TBL1X: variants seen among roughly 807,000 people sequenced by gnomAD.
TBL1X encodes the protein transducin beta like 1 X-linked, also known as F-box-like/WD repeat-containing protein TBL1X.
A neutral mutation model predicts 50.7 loss-of-function variants in TBL1X; 10 were observed. That is an observed-to-expected ratio of 0.20 (90% confidence interval 0.12 to 0.33). The LOEUF (loss-of-function observed/expected upper bound fraction) is 0.33, where lower values mean the gene tolerates loss of function less well. Ranked by LOEUF, TBL1X falls within the 10% of genes least tolerant of loss-of-function variation. TBL1X has a pLI of 1.00. For missense variants in TBL1X, 340 were observed against 504.4 expected (o/e 0.67, Z 3.12); for synonymous variants, 190 against 214.7 (o/e 0.88, Z 1.01).
chrX:9,534,584 G>A (rs1040588619), intron 2 of TBL1X, among the ~76,000 whole-genome samples: 1 of 110,882 alleles, frequency 9.0e-6, no homozygotes, highest in African/African-American at 3.3e-5. Context: ...AAAAAATACA[G>A]TGTTGAGTAT....
intron 2 of TBL1X, among the ~76,000 whole-genome samples, chrX:9,616,438 A>G (rs1157266422): frequency 8.9e-6 from 1 of 111,875 alleles, no homozygotes. Context: ...ACTTTTGCCA[A>G]TTAAAAGACA....
At chrX:9,492,074 CT>C (rs1239173303) in intron 1 of TBL1X, among the ~76,000 whole-genome samples, 1 of 111,846 alleles carries the variant, frequency 8.9e-6, no homozygotes, top group African/African-American at 3.3e-5. Flanking sequence ...ATAGAAATAA[CT>C]TTGTTATGAA....
At chrX:9,590,733 T>G (rs2082495522) in intron 2 of TBL1X, among the ~76,000 whole-genome samples, 1 of 111,600 alleles carries the variant, frequency 9.0e-6, no homozygotes, top group Admixed American at 9.5e-5. Flanking sequence ...TTTTTGGTTG[T>G]TTATTGCTTT....
chrX:9,588,248 A>G (rs1409409341), intron 2 of TBL1X, among the ~76,000 whole-genome samples: 1 of 111,383 alleles, frequency 9.0e-6, no homozygotes, highest in African/African-American at 3.3e-5. Context: ...CCTTTTATCT[A>G]AGGGACTGGA....
At chrX:9,709,445 C>T in intron 14 of TBL1X, 123 bp downstream of exon 14, 1 of 970,533 alleles carries the variant, frequency 1.0e-6, no homozygotes, top group Non-Finnish European at 1.4e-6. Context: ...CTTCCTCTGT[C>T]ATCCGGTGAG....
In TBL1X at chrX:9,714,909, A is replaced by G. The variant is rs765036613; in HGVS notation, c.1613A>G (p.Asn538Ser). The part of the protein sequence containing the change: ...CVHIWNTQSG[N>S]LVHSYRGTGG... ...AGCTGCTTTGCTTTGCAGAGTGGAA[A>G]TCTTGTCCACAGCTACCGAGGCACT... The change falls in exon 17 of 18, where the codon AAT (asparagine) becomes AGT (serine). Residue 538 changes from asparagine (N) to serine (S), a missense_variant. Asn to Ser is a conservative substitution (Grantham distance 46). This residue lies in a region of TBL1X where 170 missense variants were observed against 272.6 expected (regional missense o/e 0.62). Coordinates refer to ENST00000645353, the MANE Select transcript of TBL1X (RefSeq NM_005647.4). The G allele has an allele frequency of 3.4e-5, 41 of 1,209,878 alleles. No individual in the cohort carries two copies. Among genetic ancestry groups the G allele is most frequent in the Non-Finnish European group, 4.5e-6 (4 of 894,893 alleles).
At chrX:9,547,114 G>A (rs2082248360) in intron 2 of TBL1X, among the ~76,000 whole-genome samples, 1 of 110,192 alleles carries the variant, frequency 9.1e-6, no homozygotes, top group Non-Finnish European at 1.9e-5. Context: ...CACCGCGCCC[G>A]GCCTTATTCT....
chrX:9,533,947 T>C (rs1437234995), intron 2 of TBL1X, among the ~76,000 whole-genome samples: 1 of 111,180 alleles, frequency 9.0e-6, no homozygotes, highest in African/African-American at 3.3e-5. Context: ...GTAGGGGTGG[T>C]GACAGTGAAG....
At chrX:9,568,791 C>T (rs1471730232) in intron 2 of TBL1X, among the ~76,000 whole-genome samples, 1 of 102,124 alleles carries the variant, frequency 9.8e-6, no homozygotes, top group African/African-American at 3.7e-5. Context: ...GTGTGTATGT[C>T]TGTCTGGTGT....
At chrX:9,626,520 G>A (rs189913823) in intron 2 of TBL1X, among the ~76,000 whole-genome samples, 4 of 112,071 alleles carry the variant, frequency 3.6e-5, no homozygotes, top group Non-Finnish European at 5.6e-5. Context: ...GTACCTGCCC[G>A]CCCCACAGGG....
chrX:9,709,575 C>T (rs2083231936), intron 14 of TBL1X, 58 bp from the exon 15 acceptor site: 1 of 1,190,117 alleles, frequency 8.4e-7, no homozygotes, highest in Non-Finnish European at 1.1e-6. Flanking sequence ...AATGATTCCA[C>T]ATCGTTCCCG....
intron 2 of TBL1X, among the ~76,000 whole-genome samples, chrX:9,567,899 C>T (rs989845006): frequency 1.8e-5 from 2 of 112,213 alleles, no homozygotes; most frequent in African/African-American, 6.5e-5. Context: ...GGGACAAGGA[C>T]GCGCAGAGAT....
chrX:9,591,211 C>T (rs998623799), intron 2 of TBL1X, among the ~76,000 whole-genome samples: 2 of 111,306 alleles, frequency 1.8e-5, no homozygotes, highest in Non-Finnish European at 3.8e-5. Context: ...TTTCACCCTC[C>T]ACCAGAGGAT....
At chrX:9,476,341 C>G (rs2081849443) in intron 1 of TBL1X, among the ~76,000 whole-genome samples, 1 of 112,307 alleles carries the variant, frequency 8.9e-6, no homozygotes, top group African/African-American at 3.2e-5. Context: ...TGCTTTAAGC[C>G]TTAGACTGGT....
Position 9,533,479 on chromosome X carries a change from A to G in TBL1X, c.-131+31630A>G, listed in dbSNP as rs142444066. The stretch of plus-strand genomic sequence containing the variant: ...GATGGTAGGGAGATAACTTAGGAAA[A>G]TATTTTACCTTTGGGGAAGTTTTGG... On this transcript the variant is annotated intron_variant, in intron 2 of 17. Transcript: ENST00000645353. Among the ~76,000 whole-genome samples the G allele has an allele frequency of 7.1e-5, 8 of 111,968 alleles. No individual in the cohort carries two copies. The East Asian group carries it at 2.3e-3, about 32-fold the overall frequency.
At position 9,514,250 on chromosome X, in the gene TBL1X, G is replaced by A. The variant is rs1032114847; in HGVS notation, c.-131+12401G>A. Among the ~76,000 whole-genome samples, 3 of 111,172 alleles carry A rather than the reference G, an allele frequency of 2.7e-5. No individual in the cohort carries two copies. In the Admixed American group the frequency reaches 2.8e-4, roughly 11 times the overall value. ...TTGCTTATTGTGTGTAGGAAGACCG[G>A]AGGCCAGTTACCTGGCAATAACAAC... On this transcript the variant is annotated intron_variant, in intron 2 of 17. Transcript: ENST00000645353.
chrX:9,530,528 T>G (rs1047597217), intron 2 of TBL1X, among the ~76,000 whole-genome samples: 1 of 112,275 alleles, frequency 8.9e-6, no homozygotes, highest in African/African-American at 3.2e-5. Context: ...CATCACACAT[T>G]TTTATGTTCT....
chrX:9,463,762 C>T (rs1032522669), upstream of TBL1X, among the ~76,000 whole-genome samples: 1 of 112,107 alleles, frequency 8.9e-6, no homozygotes, highest in African/African-American at 3.2e-5. Context: ...GGCGTGGTGG[C>T]ATGCGCCTGT....
At chrX:9,563,010 G>T (rs2082331659) in intron 2 of TBL1X, among the ~76,000 whole-genome samples, 1 of 112,524 alleles carries the variant, frequency 8.9e-6, no homozygotes, top group Admixed American at 9.4e-5. Flanking sequence ...TGCTATATCT[G>T]TGGTATTTAT....
Sources: gnomAD v4.1 joint callset for allele counts (sites outside exome capture counted in the v4.1 genomes callset) on GRCh38, gnomAD v4.1.1 for gene constraint, gnomAD v4.1.1 regional missense constraint, MANE v1.5 for transcripts, NCBI Gene and HGNC (gene_info 2026-07-23, HGNC 2026-07-21) for gene names.